The following PHACTR2 variants were observed in gnomAD, a reference collection of about 807,000 sequenced individuals.
The protein encoded by PHACTR2 is chromosome 6 open reading frame 56.
A neutral mutation model predicts 76.0 loss-of-function variants in PHACTR2; 30 were observed. That is an observed-to-expected ratio of 0.39 (90% CI 0.30 to 0.54). The LOEUF is 0.54. PHACTR2 is among the 20% of genes least tolerant of loss of function. The pLI is 0.61. For missense variants in PHACTR2, 696 were observed against 781.1 expected (o/e 0.89, Z 1.30); for synonymous variants, 292 against 292.5 (o/e 1.00, Z 0.02).
chr6:143,538,114 A>AC (rs1562677842), intron 1 of PHACTR2, among the ~76,000 whole-genome samples: 2 of 151,838 alleles, frequency 1.3e-5, no homozygotes, highest in African/African-American at 2.4e-5. Flanking sequence ...ACACACACAC[A>AC]AACACACAAA....
rs1444434218 is a variant in PHACTR2, at chr6:143,722,180, C to A, written c.214+9997C>A. ...TTGTGGAAAATATCACCCAGAGCCT[C>A]CTAACAGGGTGATCTGTTTTATTTT... On this transcript the variant is annotated intron_variant, in intron 2 of 12. Coordinates refer to ENST00000440869, the MANE Select transcript of PHACTR2 (RefSeq NM_001100164.2). This position sits in a 1 kb window ranked among gnomAD's most constrained non-coding sequence, Gnocchi z 4.1. Among the ~76,000 whole-genome samples the A allele has an allele frequency of 6.6e-6, 1 of 152,194 alleles. No individual in the cohort carries two copies. Among genetic ancestry groups the A allele is most frequent in the South Asian group, 2.1e-4 (1 of 4,830 alleles).
chr6:143,670,558 T>C (rs1020766680), intron 1 of PHACTR2, among the ~76,000 whole-genome samples: 3 of 152,172 alleles, frequency 2.0e-5, no homozygotes, highest in African/African-American at 7.2e-5. Flanking sequence ...TTCTTTTTTT[T>C]CTAATCTTGG....
intron 1 of PHACTR2, among the ~76,000 whole-genome samples, chr6:143,690,501 G>A (rs1411018995): frequency 2.0e-5 from 3 of 152,124 alleles, no homozygotes; most frequent in African/African-American, 7.2e-5. Context: ...TTGAGTCTTT[G>A]TATTAGAACG....
rs112168912 is a variant in PHACTR2 at position 143,775,077 on chromosome 6, G to C, written c.1589+862G>C. Among the ~76,000 whole-genome samples the C allele has an allele frequency of 1.3e-5, 2 of 152,178 alleles. No individual in the cohort carries two copies. Among genetic ancestry groups the C allele is most frequent in the African/African-American group, 2.4e-5 (1 of 41,436 alleles). On this transcript the variant is annotated intron_variant, in intron 8 of 12. Transcript: ENST00000440869. This position sits in a 1 kb window ranked among gnomAD's most constrained non-coding sequence, Gnocchi z 4.4. ...ATTTGGAGGTGGGGGGAAAATTGCTGTCCTTGCTTGGAAGTGGTATAACTG... is the reference window on the plus strand; with the variant it reads ...ATTTGGAGGTGGGGGGAAAATTGCTCTCCTTGCTTGGAAGTGGTATAACTG...
At chr6:143,702,599 C>A (rs1335488636) in intron 1 of PHACTR2, among the ~76,000 whole-genome samples, 2 of 152,062 alleles carry the variant, frequency 1.3e-5, no homozygotes, top group Non-Finnish European at 2.9e-5. Context: ...AGCCAGATAG[C>A]CTTCCTGGCT....
chr6:143,625,546 C>T lies in PHACTR2; in HGVS notation c.13+17224C>T, dbSNP rs1456243405. The stretch of plus-strand genomic sequence containing the variant: ...AATTGCTGCATATTGATTTCCATTT[C>T]CCCTTGTGCGGTGTGTCTCCAATAG... On this transcript the variant is annotated intron_variant, in intron 1 of 11. Coordinates refer to the PHACTR2 transcript ENST00000305766. The surrounding 1 kb of genome is among the most constrained non-coding windows in gnomAD (Gnocchi z 4.3). Among the ~76,000 whole-genome samples, 1 of 152,144 alleles carries T rather than the reference C, an allele frequency of 6.6e-6. No homozygotes were observed. The highest frequency in any genetic ancestry group is 1.5e-5 in the Non-Finnish European group (1 of 68,036).
At chr6:143,637,449 C>G (rs1205633407) in intron 1 of PHACTR2, among the ~76,000 whole-genome samples, 1 of 152,188 alleles carries the variant, frequency 6.6e-6, no homozygotes. Context: ...TCCTAGTCCT[C>G]AATATGTTCT....
chr6:143,757,055 A>G lies in PHACTR2; in HGVS notation c.454+3143A>G, dbSNP rs1238463732. On this transcript the variant is annotated intron_variant, in intron 4 of 12. Coordinates refer to ENST00000440869, the MANE Select transcript of PHACTR2 (RefSeq NM_001100164.2). This position sits in a 1 kb window ranked among gnomAD's most constrained non-coding sequence, Gnocchi z 4.2. ...CAGCCAGTCTCAAAAAAAGAAAATA[A>G]TAATAATTTTAAATAATAAGATTTT... Among the ~76,000 whole-genome samples, 2 of 152,142 alleles carry G rather than the reference A, an allele frequency of 1.3e-5. No individual in the cohort carries two copies. Among genetic ancestry groups the G allele is most frequent in the Non-Finnish European group, 2.9e-5 (2 of 68,032 alleles).
At chr6:143,637,395 G>A (rs761946274) in intron 1 of PHACTR2, among the ~76,000 whole-genome samples, 3 of 152,094 alleles carry the variant, frequency 2.0e-5, no homozygotes, top group African/African-American at 7.2e-5. Flanking sequence ...CACAGGAAAC[G>A]TAACAATGAT....
chr6:143,596,751 T>A lies in PHACTR2; in HGVS notation c.217+59544T>A, dbSNP rs1406072501. On this transcript the variant is annotated intron_variant, in intron 1 of 11. Coordinates refer to the PHACTR2 transcript ENST00000367584. The surrounding 1 kb of genome is among the most constrained non-coding windows in gnomAD (Gnocchi z 4.6). ...TACTTGGGAGGCTAAGGCAGGAGGA[T>A]CGCTTAAGCCCAGGAGTTTGAGGTT... Among the ~76,000 whole-genome samples the A allele has an allele frequency of 1.3e-5, 2 of 152,158 alleles. No individual in the cohort carries two copies. The highest frequency in any genetic ancestry group is 4.8e-5 in the African/African-American group (2 of 41,416).
chr6:143,788,335 A>G (rs975445373), intron 10 of PHACTR2, among the ~76,000 whole-genome samples: 1 of 152,192 alleles, frequency 6.6e-6, no homozygotes, highest in Non-Finnish European at 1.5e-5. Flanking sequence ...TTCTGAGTGT[A>G]TGGGCTTAAT....
chr6:143,667,281 C>G (rs1178170384), intron 1 of PHACTR2, among the ~76,000 whole-genome samples: 4 of 152,010 alleles, frequency 2.6e-5, no homozygotes, highest in African/African-American at 4.8e-5. Flanking sequence ...GTTACTGTAG[C>G]CTTGTAGTAT....
rs1331803531 is a variant in PHACTR2, at chr6:143,823,515, T to A, written c.1923-159T>A. 6.6e-6 allele frequency among the ~76,000 whole-genome samples: 1 copy of A among 152,228 alleles called. No homozygotes were observed. The highest frequency in any genetic ancestry group is 1.9e-4 in the East Asian group (1 of 5,206). On this transcript the variant is annotated intron_variant, in intron 12 of 12. Transcript: ENST00000440869. This position sits in a 1 kb window ranked among gnomAD's most constrained non-coding sequence, Gnocchi z 5.7. ...TATATGCTTTCCTTAATAATATTTG[T>A]AACAGTATTTTGTTATGACAGAAAT...
In PHACTR2 at chr6:143,561,860, A is replaced by G; in HGVS notation, c.217+24653A>G. 1 of 152,110 alleles carries G rather than the reference A, an allele frequency of 6.6e-6. No homozygotes were observed. Among genetic ancestry groups the G allele is most frequent in the Non-Finnish European group, 1.5e-5 (1 of 68,034 alleles). The allele number at this position is 152,110 out of a possible 1,614,324, so 9.4% of individuals were successfully genotyped here. ...ACCGCCAGCTCATGAAGTCTGAGGA[A>G]ATTCAGGTTGCCTTTGATATTAACC... On this transcript the variant is annotated intron_variant, in intron 1 of 11. Transcript: ENST00000367584. The surrounding 1 kb of genome is among the most constrained non-coding windows in gnomAD (Gnocchi z 4.1).
chr6:143,799,881 T>G (rs531270995), intron 11 of PHACTR2, among the ~76,000 whole-genome samples: 3 of 152,336 alleles, frequency 2.0e-5, no homozygotes, highest in Non-Finnish European at 4.4e-5. Flanking sequence ...GAGAATACTG[T>G]AGATGTCTAT....
At chr6:143,693,392 C>G (rs763413088) in intron 1 of PHACTR2, among the ~76,000 whole-genome samples, 1 of 152,104 alleles carries the variant, frequency 6.6e-6, no homozygotes, top group Non-Finnish European at 1.5e-5. Flanking sequence ...CACGCACCAC[C>G]ACACCTGGCT....
rs1775057172 is a variant in PHACTR2 at position 143,549,345 on chromosome 6, C to T, written c.217+12138C>T. Among the ~76,000 whole-genome samples the T allele has an allele frequency of 6.6e-6, 1 of 152,068 alleles. No homozygotes were observed. The highest frequency in any genetic ancestry group is 1.5e-5 in the Non-Finnish European group (1 of 67,976). On this transcript the variant is annotated intron_variant, in intron 1 of 11. Coordinates refer to the PHACTR2 transcript ENST00000367584. This position sits in a 1 kb window ranked among gnomAD's most constrained non-coding sequence, Gnocchi z 4.2. ...GGGTGACCCTGGATTCAGAGGCCTG[C>T]TCGGGGTGCGGGATGGCATTCCTTT...
Position 143,688,675 on chromosome 6 carries a change from C to T in PHACTR2, c.46+10466C>T, listed in dbSNP as rs1203389832. Among the ~76,000 whole-genome samples, 1 of 152,048 alleles carries T rather than the reference C, an allele frequency of 6.6e-6. No homozygotes were observed. Among genetic ancestry groups the T allele is most frequent in the African/African-American group, 2.4e-5 (1 of 41,410 alleles). On this transcript the variant is annotated intron_variant, in intron 1 of 12. Transcript: ENST00000440869. This position sits in a 1 kb window ranked among gnomAD's most constrained non-coding sequence, Gnocchi z 5.2. ...TATGGATCCATCAGCAGGTCTTGTC[C>T]TTTTCTCTTCCCAAATATATCTCAA...
intron 1 of PHACTR2, among the ~76,000 whole-genome samples, chr6:143,645,945 T>C (rs917486470): frequency 6.6e-6 from 1 of 152,142 alleles, no homozygotes; most frequent in Non-Finnish European, 1.5e-5. Context: ...TATCAAAATT[T>C]ATAAAGAAAT....
Sources: gnomAD v4.1 joint callset for allele counts (sites outside exome capture counted in the v4.1 genomes callset) on GRCh38, gnomAD v4.1.1 for gene constraint, Gnocchi (gnomAD v3.1) non-coding constraint, MANE v1.5 for transcripts, NCBI Gene and HGNC (gene_info 2026-07-23, HGNC 2026-07-21) for gene names.